The following ERBB4 variants were observed in gnomAD, a reference collection of about 807,000 sequenced individuals.
ERBB4 encodes receptor tyrosine-protein kinase erbB-4.
A neutral mutation model predicts 158.0 loss-of-function variants in ERBB4; 42 were observed. The observed-to-expected ratio is 0.27, with a 90% confidence interval of 0.21 to 0.34. The LOEUF (loss-of-function observed/expected upper bound fraction) is 0.34, where lower values mean the gene tolerates loss of function less well. Among genes scored for constraint, ERBB4 ranks in the 10% least tolerant of loss-of-function variants. The probability of loss-of-function intolerance (pLI) is 1.00; values close to 1 mark genes in which losing one functional copy is unlikely to be tolerated. For synonymous variants in ERBB4, 583 were observed against 558.7 expected (o/e 1.04, Z -0.61); for missense variants, 1,333 against 1,624.1 (o/e 0.82, Z 3.08).
intron 1 of ERBB4, among the ~76,000 whole-genome samples, chr2:212,358,196 G>A (rs1009475591): frequency 1.3e-5 from 2 of 151,750 alleles, no homozygotes; most frequent in Admixed American, 6.6e-5. Context: ...TCCTGAAGGA[G>A]AATTCATAAA....
chr2:212,434,552 T>TA (rs890451917), intron 1 of ERBB4, among the ~76,000 whole-genome samples: 3 of 151,964 alleles, frequency 2.0e-5, no homozygotes, highest in Admixed American at 1.3e-4. Flanking sequence ...CACTGCTTTT[T>TA]ACCACGACTT....
chr2:211,626,020 T>G (rs1245260098), intron 17 of ERBB4, among the ~76,000 whole-genome samples: 1 of 152,176 alleles, frequency 6.6e-6, no homozygotes, highest in Non-Finnish European at 1.5e-5. Flanking sequence ...GGGTTTAAAT[T>G]TGGAGGTTTA....
chr2:212,502,726 C>T (rs1264043590), intron 1 of ERBB4, among the ~76,000 whole-genome samples: 1 of 152,092 alleles, frequency 6.6e-6, no homozygotes, highest in African/African-American at 2.4e-5. Flanking sequence ...GTCTAAGAGC[C>T]AACCTTAGCT....
intron 1 of ERBB4, among the ~76,000 whole-genome samples, chr2:212,372,594 G>A (rs1055523152): frequency 3.9e-5 from 6 of 151,946 alleles, no homozygotes; most frequent in South Asian, 2.1e-4. Flanking sequence ...GTAAAAATAC[G>A]AAAAATTAGC....
At chr2:212,317,858 A>G (rs72947355) in intron 1 of ERBB4, among the ~76,000 whole-genome samples, 3 of 151,420 alleles carry the variant, frequency 2.0e-5, no homozygotes, top group Non-Finnish European at 3.0e-5. Context: ...AAATAAATTA[A>G]CCTATGGAAA....
At chr2:211,470,339 T>C (rs2064801249) in intron 20 of ERBB4, among the ~76,000 whole-genome samples, 2 of 152,142 alleles carry the variant, frequency 1.3e-5, no homozygotes, top group African/African-American at 2.4e-5. Flanking sequence ...GTGCCCAGAC[T>C]GACTCCTCTT....
At chr2:211,908,860 T>G (rs1042182494) in intron 3 of ERBB4, among the ~76,000 whole-genome samples, 2 of 151,664 alleles carry the variant, frequency 1.3e-5, no homozygotes, top group South Asian at 4.2e-4. Flanking sequence ...CCTTTATTTA[T>G]CTCATCTTGA....
intron 20 of ERBB4, among the ~76,000 whole-genome samples, chr2:211,472,079 T>C (rs926979001): frequency 3.3e-5 from 5 of 152,036 alleles, no homozygotes; most frequent in African/African-American, 9.7e-5. Context: ...CAAATGTAGA[T>C]TTTAAAAGAT....
chr2:212,015,089 T>A (rs190700366), intron 2 of ERBB4, among the ~76,000 whole-genome samples: 2,697 of 27,260 alleles, frequency 0.099, 1,122 homozygotes, highest in East Asian at 0.2. Flanking sequence ...TATATATATA[T>A]ATATATATAT....
intron 1 of ERBB4, among the ~76,000 whole-genome samples, chr2:212,364,987 ATAAG>A (rs2089832904): frequency 6.6e-6 from 1 of 151,638 alleles, no homozygotes; most frequent in Non-Finnish European, 1.5e-5. Flanking sequence ...TCAAGTTTAA[ATAAG>A]TATTTTATAA....
At chr2:212,263,247 C>T (rs898994924) in intron 1 of ERBB4, among the ~76,000 whole-genome samples, 2 of 152,024 alleles carry the variant, frequency 1.3e-5, no homozygotes, top group Non-Finnish European at 2.9e-5. Context: ...GTTGACAACT[C>T]AGTTTGGGAC....
rs187348626 is a variant in ERBB4, at chr2:211,746,308, G to A, written c.622+4331C>T. Among the ~76,000 whole-genome samples, 106 of 152,242 alleles carry A rather than the reference G, an allele frequency of 7.0e-4. 1 individual carries two copies. The highest frequency in any genetic ancestry group is 2.4e-3 in the African/African-American group (99 of 41,558). Reference sequence around the variant, plus strand: ...AATAATATAAAATAAAATAAAATTTGTACTTGCTTATTAGGTCCATGAATT... The same window carrying A: ...AATAATATAAAATAAAATAAAATTTATACTTGCTTATTAGGTCCATGAATT... On this transcript the variant is annotated intron_variant, in intron 5 of 27. Transcript: ENST00000342788.
Position 212,283,401 on chromosome 2 carries a change from T to C in ERBB4, c.83-158498A>G, listed in dbSNP as rs544399528. On this transcript the variant is annotated intron_variant, in intron 1 of 27. Coordinates refer to ENST00000342788, the MANE Select transcript of ERBB4 (RefSeq NM_005235.3). Reference sequence around the variant, plus strand: ...ATATTAGTGCACCTTATCCTTACAATAGCCCTGTGAGGTAGATAGTAATTA... The same window carrying C: ...ATATTAGTGCACCTTATCCTTACAACAGCCCTGTGAGGTAGATAGTAATTA... Among the ~76,000 whole-genome samples, 4 of 152,104 alleles carry C rather than the reference T, an allele frequency of 2.6e-5. No individual in the cohort carries two copies. The South Asian group carries it at 8.3e-4, about 32-fold the overall frequency.
At chr2:212,272,550 A>AG (rs528152697) in intron 1 of ERBB4, among the ~76,000 whole-genome samples, 66 of 151,906 alleles carry the variant, frequency 4.3e-4, no homozygotes, top group African/African-American at 1.5e-3. Flanking sequence ...AAGTAGCCCC[A>AG]GGCTAGAGGA....
intron 2 of ERBB4, among the ~76,000 whole-genome samples, chr2:212,057,165 G>C (rs930697774): frequency 2.6e-5 from 4 of 152,140 alleles, no homozygotes; most frequent in African/African-American, 9.7e-5. Flanking sequence ...AACCAGCAAA[G>C]ATCGAAAGAG....
intron 20 of ERBB4, among the ~76,000 whole-genome samples, chr2:211,473,568 C>T (rs982995132): frequency 6.6e-6 from 1 of 152,106 alleles, no homozygotes; most frequent in Non-Finnish European, 1.5e-5. Flanking sequence ...CTTCATTTCC[C>T]CTCAAAACTT....
At chr2:211,925,065 C>T (rs2079979112) in intron 3 of ERBB4, among the ~76,000 whole-genome samples, 1 of 152,130 alleles carries the variant, frequency 6.6e-6, no homozygotes, top group Non-Finnish European at 1.5e-5. Context: ...TCCTTTTCAT[C>T]ACGTAATCAA....
intron 1 of ERBB4, among the ~76,000 whole-genome samples, chr2:212,422,457 C>T (rs2105909410): frequency 6.6e-6 from 1 of 152,020 alleles, no homozygotes; most frequent in South Asian, 2.1e-4. Flanking sequence ...GAGATCATGC[C>T]CCTGCACTCC....
At chr2:212,353,061 T>C (rs1161904126) in intron 1 of ERBB4, among the ~76,000 whole-genome samples, 1 of 151,988 alleles carries the variant, frequency 6.6e-6, no homozygotes, top group African/African-American at 2.4e-5. Context: ...CTGGAAACTT[T>C]CCCTACCCCC....
Sources: gnomAD v4.1 joint callset for allele counts (sites outside exome capture counted in the v4.1 genomes callset) on GRCh38, gnomAD v4.1.1 for gene constraint, MANE v1.5 for transcripts, NCBI Gene and HGNC (gene_info 2026-07-23, HGNC 2026-07-21) for gene names.